IGF1: variants seen among roughly 807,000 people sequenced by gnomAD.
IGF1 encodes the protein insulin-like growth factor 1.
In IGF1, 4 loss-of-function variants were observed where a neutral mutation model predicts 13.8. The observed-to-expected ratio is 0.29, with a 90% CI of 0.14 to 0.66. The LOEUF (loss-of-function observed/expected upper bound fraction) is 0.66, where lower values mean the gene tolerates loss of function less well. Among genes scored for constraint, IGF1 ranks in the 30% least tolerant of loss-of-function variants. The probability of loss-of-function intolerance (pLI) is 0.78; values close to 1 mark genes in which losing one functional copy is unlikely to be tolerated. For missense variants in IGF1, 124 were observed against 188.5 expected, an observed-to-expected ratio of 0.66 and a Z score of 2.00; for synonymous variants, 76 against 72.6, an observed-to-expected ratio of 1.05 and a Z score of -0.23.
chr12:102,448,195 A>G (rs1460817198), intron 2 of IGF1, among the ~76,000 whole-genome samples: 1 of 149,152 alleles, frequency 6.7e-6, no homozygotes, highest in African/African-American at 2.5e-5. Context: ...CTGGGTATAT[A>G]CCCAAAGGAC....
intron 2 of IGF1, among the ~76,000 whole-genome samples, chr12:102,450,499 T>G (rs1878824555): frequency 6.6e-6 from 1 of 152,234 alleles, no homozygotes; most frequent in South Asian, 2.1e-4. Context: ...GCTCTGGGAC[T>G]AAATTCGACT....
At chr12:102,462,317 TTGTTTTTGA>T (rs1879963749) in intron 2 of IGF1, among the ~76,000 whole-genome samples, 1 of 152,220 alleles carries the variant, frequency 6.6e-6, no homozygotes, top group African/African-American at 2.4e-5. Flanking sequence ...ATTATTACTG[TTGTTTTTGA>T]TATGTGTGTT....
chr12:102,467,649 G>A (rs1880423232), intron 2 of IGF1, among the ~76,000 whole-genome samples: 1 of 152,202 alleles, frequency 6.6e-6, no homozygotes, highest in Admixed American at 6.5e-5. Flanking sequence ...GAGCAAAAGT[G>A]TTAACCTAAG....
intron 2 of IGF1, among the ~76,000 whole-genome samples, chr12:102,465,761 A>AC (rs1880255687): frequency 1.3e-5 from 2 of 152,010 alleles, no homozygotes; most frequent in South Asian, 2.1e-4. Flanking sequence ...ACATGGTGAA[A>AC]CCCCGTCTCT....
intron 2 of IGF1, among the ~76,000 whole-genome samples, chr12:102,450,409 G>A (rs200663025): frequency 7.2e-5 from 11 of 152,204 alleles, no homozygotes; most frequent in East Asian, 1.9e-4. Context: ...CTCTTGCTCC[G>A]ATGGCCCCAG....
intron 2 of IGF1, among the ~76,000 whole-genome samples, chr12:102,474,990 G>A (rs756214534): frequency 3.3e-5 from 5 of 152,062 alleles, no homozygotes; most frequent in African/African-American, 4.8e-5. Flanking sequence ...GATGGGTCCC[G>A]GAGAAGAACT....
chr12:102,449,301 A>G (rs1158830986), intron 2 of IGF1, among the ~76,000 whole-genome samples: 1 of 151,922 alleles, frequency 6.6e-6, no homozygotes, highest in Admixed American at 6.6e-5. Flanking sequence ...AGGAACGGAA[A>G]ACCAAACACC....
At chr12:102,405,041 G>A (rs1015288454) in intron 3 of IGF1, among the ~76,000 whole-genome samples, 2 of 151,392 alleles carry the variant, frequency 1.3e-5, no homozygotes, top group Non-Finnish European at 2.9e-5. Flanking sequence ...ACAGGCGTAA[G>A]CTAAATGTGT....
chr12:102,474,389 C>T (rs1179009357), intron 2 of IGF1, among the ~76,000 whole-genome samples: 1 of 152,198 alleles, frequency 6.6e-6, no homozygotes, highest in Non-Finnish European at 1.5e-5. Context: ...GATTCTTTGT[C>T]ACTAGTGATT....
rs572039039 is a variant in IGF1, at chr12:102,455,731, C to T, written c.220+19912G>A. On this transcript the variant is annotated intron_variant, in intron 2 of 3. Coordinates refer to ENST00000337514, the MANE Select transcript of IGF1 (RefSeq NM_000618.5). ...CCTGTCATCCTAGCAGGGAAGAGAC[C>T]AGCATTCTAGTATGTCCAGTAGAGG... Among the ~76,000 whole-genome samples the T allele has an allele frequency of 3.9e-5, 6 of 152,268 alleles. No homozygotes were observed. In the South Asian group the frequency reaches 1.2e-3, roughly 32 times the overall value.
intron 2 of IGF1, among the ~76,000 whole-genome samples, chr12:102,466,869 G>A (rs1238090579): frequency 6.6e-6 from 1 of 152,098 alleles, no homozygotes; most frequent in Admixed American, 6.5e-5. Flanking sequence ...TCACACCACT[G>A]CACTCTAGCC....
chr12:102,408,128 T>A (rs1189949498), intron 3 of IGF1, among the ~76,000 whole-genome samples: 2 of 152,186 alleles, frequency 1.3e-5, no homozygotes, highest in Non-Finnish European at 2.9e-5. Flanking sequence ...CATAAAGTAC[T>A]AACTCAGCAT....
intron 3 of IGF1, among the ~76,000 whole-genome samples, chr12:102,414,824 C>T (rs1316292805): frequency 6.6e-6 from 1 of 152,154 alleles, no homozygotes; most frequent in African/African-American, 2.4e-5. Context: ...TACTTTTCAC[C>T]AATTTTATTT....
chr12:102,441,955 CTTTTTT>C (rs1268306262), intron 2 of IGF1, among the ~76,000 whole-genome samples: 2 of 139,980 alleles, frequency 1.4e-5, no homozygotes, highest in African/African-American at 2.7e-5. Context: ...TCTTCTTCTT[CTTTTTT>C]TTTTTTGAGA....
chr12:102,425,510 A>AC (rs1876122627), intron 2 of IGF1, among the ~76,000 whole-genome samples: 2 of 152,162 alleles, frequency 1.3e-5, no homozygotes, highest in Non-Finnish European at 2.9e-5. Context: ...GTCTTCCGTT[A>AC]CCCAATCAAG....
chr12:102,473,199 A>C (rs1435485196), intron 2 of IGF1, among the ~76,000 whole-genome samples: 1 of 152,196 alleles, frequency 6.6e-6, no homozygotes. Context: ...GGGTAGACCA[A>C]AATATTCAAG....
intron 2 of IGF1, among the ~76,000 whole-genome samples, chr12:102,452,281 A>AAAAG: frequency 1.3e-5 from 2 of 150,840 alleles, no homozygotes; most frequent in Non-Finnish European, 3.0e-5. Flanking sequence ...AAAAAAAAAA[A>AAAAG]AAAAAAAAAG....
chr12:102,402,194 A>G lies in IGF1; in HGVS notation c.*313T>C, dbSNP rs1446508700. The G allele has an allele frequency of 5.5e-6, 1 of 183,312 alleles. No homozygotes were observed. Among genetic ancestry groups the G allele is most frequent in the Non-Finnish European group, 1.1e-5 (1 of 88,940 alleles). The allele number at this position is 183,312 out of a possible 1,614,324, so 11.4% of individuals were successfully genotyped here. A position where few individuals can be genotyped will look rare whatever the true frequency, so the allele number is the denominator to read the frequency against. ...GTGCAACTGGATCTATACAACACCC[A>G]TGCATTTGTGGCTCTTGAGAGGCAG... On this transcript the variant is annotated 3_prime_UTR_variant, in exon 4 of 4. Transcript: ENST00000337514.
At chr12:102,474,179 T>C (rs1014854004) in intron 2 of IGF1, among the ~76,000 whole-genome samples, 2 of 152,256 alleles carry the variant, frequency 1.3e-5, no homozygotes, top group African/African-American at 4.8e-5. Flanking sequence ...CCCACAGTTA[T>C]CTTCCACAGG....
Sources: gnomAD v4.1 joint callset for allele counts (sites outside exome capture counted in the v4.1 genomes callset) on GRCh38, gnomAD v4.1.1 for gene constraint, MANE v1.5 for transcripts, NCBI Gene and HGNC (gene_info 2026-07-23, HGNC 2026-07-21) for gene names.